Variants in WAPL observed in about 807,000 individuals in gnomAD.
The protein encoded by WAPL is WAPL cohesin release factor.
In WAPL, 5 loss-of-function variants were observed where a neutral mutation model predicts 121.0. The observed-to-expected ratio is 0.04, with a 90% confidence interval of 0.02 to 0.09. The LOEUF is 0.09. Ranked by LOEUF, WAPL falls within the 10% of genes least tolerant of loss-of-function variation. The pLI is 1.00. For missense variants in WAPL, 999 were observed against 1,410.8 expected (o/e 0.71, Z 4.68); for synonymous variants, 480 against 481.5 (o/e 1.00, Z 0.04).
At position 86,497,228 on chromosome 10, in the gene WAPL, G is replaced by A; in HGVS notation, c.1617C>T (p.Thr539=). The change falls in exon 4 of 19, where the codon ACC becomes ACT. Residue 539 remains threonine (T), a synonymous_variant. Coordinates refer to ENST00000298767, the MANE Select transcript of WAPL (RefSeq NM_015045.5). ...NKQGDKSKEN[T]RKIFSGPKRS... ...GTTTGGGGCCACTAAAAATCTTTCT[G>A]GTATTTTCCTTTGATTTATCTCCTT... is the stretch of plus-strand genomic sequence containing the variant. 1 of 1,612,580 alleles carries A rather than the reference G, an allele frequency of 6.2e-7. No homozygotes were observed. The highest frequency in any genetic ancestry group is 8.5e-7 in the Non-Finnish European group (1 of 1,179,554).
In WAPL at chr10:86,472,525, A is replaced by G; in HGVS notation, c.1893+87T>C. On this transcript the variant is annotated intron_variant, in intron 6 of 18. Transcript: ENST00000298767. The surrounding 1 kb of genome is among the most constrained non-coding windows in gnomAD (Gnocchi z 4.2). ...GTGGTTCAAAACTGAGTATCAGTATACTGATATTTGTTGAAGATATTAAAT... is the reference window on the plus strand; with the variant it reads ...GTGGTTCAAAACTGAGTATCAGTATGCTGATATTTGTTGAAGATATTAAAT... 2.6e-6 allele frequency: 4 copies of G among 1,558,364 alleles called. No homozygotes were observed. In the South Asian group the frequency reaches 4.8e-5, roughly 19 times the overall value.
At chr10:86,502,058 C>T (rs1038475892) in intron 2 of WAPL, among the ~76,000 whole-genome samples, 3 of 152,150 alleles carry the variant, frequency 2.0e-5, no homozygotes, top group Non-Finnish European at 4.4e-5. Flanking sequence ...TAAAAATGTA[C>T]ATGTGAAAGA....
Position 86,490,830 on chromosome 10 carries a change from A to G in WAPL, c.1644+6371T>C, listed in dbSNP as rs184391296. 8.1e-4 allele frequency among the ~76,000 whole-genome samples: 124 copies of G among 152,192 alleles called. 2 individuals are homozygous for G. The highest frequency in any genetic ancestry group is 2.7e-3 in the African/African-American group (112 of 41,554). On this transcript the variant is annotated intron_variant, in intron 4 of 18. Transcript: ENST00000298767. ...GTAATTCCAGCACTTTGGGAGGCCG[A>G]GGCAGGTGGATCACCTGAGGTCGGG...
chr10:86,484,706 C>T (rs1417672638), intron 4 of WAPL, among the ~76,000 whole-genome samples: 1 of 152,118 alleles, frequency 6.6e-6, no homozygotes, highest in Non-Finnish European at 1.5e-5. Context: ...TATAGGTGTA[C>T]CATTTTTATA....
chr10:86,491,888 C>G (rs1050499821), intron 4 of WAPL, among the ~76,000 whole-genome samples: 11 of 152,132 alleles, frequency 7.2e-5, no homozygotes, highest in Admixed American at 3.9e-4. Flanking sequence ...GTGTTAAGAG[C>G]ACCTACAATC....
chr10:86,491,618 C>G (rs904156343), intron 4 of WAPL, among the ~76,000 whole-genome samples: 6 of 151,832 alleles, frequency 4.0e-5, no homozygotes, highest in African/African-American at 1.5e-4. Flanking sequence ...TGAGCCTGAG[C>G]CATCTTATTG....
chr10:86,468,025 T>C (rs1246158735), intron 8 of WAPL, among the ~76,000 whole-genome samples: 1 of 151,962 alleles, frequency 6.6e-6, no homozygotes, highest in Admixed American at 6.6e-5. Flanking sequence ...AATAAAATGC[T>C]GTTGCTTAAA....
intron 4 of WAPL, among the ~76,000 whole-genome samples, chr10:86,475,514 T>C (rs1841630206): frequency 1.3e-5 from 2 of 152,236 alleles, no homozygotes; most frequent in African/African-American, 4.8e-5. Context: ...GCTTTTAATA[T>C]ATTATCTCTA....
chr10:86,443,595 C>CA (rs1564560380), intron 16 of WAPL: 6 of 445,066 alleles, frequency 1.3e-5, no homozygotes, highest in Admixed American at 3.9e-5. Flanking sequence ...GCAAAGGACA[C>CA]AATTAACAAA....
intron 2 of WAPL, among the ~76,000 whole-genome samples, chr10:86,507,456 A>T (rs935635040): frequency 6.6e-6 from 1 of 151,820 alleles, no homozygotes; most frequent in Non-Finnish European, 1.5e-5. Flanking sequence ...GTCATCCAAC[A>T]ACCTCTTATT....
chr10:86,453,014 T>TC (rs1476209319), intron 14 of WAPL, among the ~76,000 whole-genome samples: 2 of 78,870 alleles, frequency 2.5e-5, no homozygotes, highest in Non-Finnish European at 4.5e-5. Context: ...AGACTCCATC[T>TC]CCCAAAAAAA....
intron 4 of WAPL, among the ~76,000 whole-genome samples, chr10:86,496,111 T>C (rs1842144898): frequency 2.0e-5 from 3 of 152,058 alleles, no homozygotes; most frequent in Admixed American, 2.0e-4. Context: ...CGAAACTCCA[T>C]CTAAAACAAA....
intron 15 of WAPL, among the ~76,000 whole-genome samples, chr10:86,450,179 T>C (rs535931220): frequency 2.0e-5 from 3 of 152,312 alleles, no homozygotes; most frequent in Admixed American, 2.0e-4. Context: ...TGTGAGTCTA[T>C]AACTATTTTG....
At chr10:86,491,683 G>A (rs1297435216) in intron 4 of WAPL, among the ~76,000 whole-genome samples, 1 of 149,882 alleles carries the variant, frequency 6.7e-6, no homozygotes, top group Non-Finnish European at 1.5e-5. Context: ...AAGGATACAA[G>A]AGACCGCTTG....
chr10:86,512,281 C>A (rs1482829498), intron 2 of WAPL, among the ~76,000 whole-genome samples: 1 of 152,140 alleles, frequency 6.6e-6, no homozygotes, highest in Non-Finnish European at 1.5e-5. Context: ...CAGCTTTAAG[C>A]AAATTAAAAA....
At chr10:86,462,803 T>C (rs936642519) in intron 9 of WAPL, among the ~76,000 whole-genome samples, 15 of 150,362 alleles carry the variant, frequency 1.0e-4, no homozygotes, top group African/African-American at 3.2e-4. Context: ...ACAGATACAA[T>C]TGTGCCCATT....
At chr10:86,465,692 TG>T (rs894493336) in intron 9 of WAPL, among the ~76,000 whole-genome samples, 1 of 152,196 alleles carries the variant, frequency 6.6e-6, no homozygotes, top group African/African-American at 2.4e-5. Flanking sequence ...ATCCCGGATG[TG>T]GGGTGTAATG....
chr10:86,443,452 A>G, intron 16 of WAPL, 89 bp from the exon 17 acceptor site: 1 of 1,007,660 alleles, frequency 9.9e-7, no homozygotes, highest in Non-Finnish European at 1.5e-6. Flanking sequence ...TCTTTACTTT[A>G]AAACTGCTAC....
At chr10:86,498,698 C>T (rs1233666819) in intron 3 of WAPL, among the ~76,000 whole-genome samples, 1 of 152,174 alleles carries the variant, frequency 6.6e-6, no homozygotes, top group African/African-American at 2.4e-5. Flanking sequence ...TTCACAAATT[C>T]TTCCTCACTA....
Sources: allele counts gnomAD v4.1 joint callset (sites outside exome capture counted in the v4.1 genomes callset), GRCh38; gene constraint gnomAD v4.1.1; non-coding constraint Gnocchi (gnomAD v3.1); transcripts MANE v1.5; gene names NCBI Gene and HGNC (gene_info 2026-07-23, HGNC 2026-07-21).